Variants in IVD observed in about 807,000 individuals in gnomAD.
IVD encodes the protein isovaleryl-CoA dehydrogenase, also known as isovaleryl-CoA dehydrogenase, mitochondrial.
In IVD, 31 loss-of-function variants were observed where a neutral mutation model predicts 51.3. The ratio of observed to expected loss-of-function variants is 0.60; its 90% CI spans 0.45 to 0.81. IVD has a LOEUF of 0.81. IVD is among the 40% of genes least tolerant of loss of function. IVD has a pLI of 0.00. For missense variants in IVD, 475 were observed against 552.0 expected (o/e 0.86, Z 1.40); for synonymous variants, 205 against 219.4 (o/e 0.93, Z 0.58).
chr15:40,407,590 T>C (rs759374003), intron 1 of IVD, 46 bp from the exon 2 acceptor site: 6 of 1,351,164 alleles, frequency 4.4e-6, no homozygotes, highest in Admixed American at 3.4e-5. Context: ...GTCTGGGTAG[T>C]GGAGATGCTG....
chr15:40,411,347 A>C lies in IVD; in HGVS notation c.544A>C (p.Lys182Gln), dbSNP rs974139256. 6.2e-7 allele frequency: 1 copy of C among 1,614,182 alleles called. No individual in the cohort carries two copies. Among genetic ancestry groups the C allele is most frequent in the Admixed American group, 1.7e-5 (1 of 60,026 alleles). Residue 182 changes from lysine to glutamine, a missense_variant, in exon 5 of 12, where the codon AAG becomes CAG. Lys to Gln is a moderately conservative substitution (Grantham distance 53). Transcript: ENST00000487418. ...TGTCTCTATGAAGCTCAAAGCGGAAAAGAAAGGTGAGGCCACTCTCAACTT... is the reference window on the plus strand; with the variant it reads ...TGTCTCTATGAAGCTCAAAGCGGAACAGAAAGGTGAGGCCACTCTCAACTT... Reference protein sequence around the residue: ...DVVSMKLKAEKKGNHYILNGN... With the variant: ...DVVSMKLKAEQKGNHYILNGN...
At chr15:40,435,696 T>A, downstream of IVD, 2 of 1,026,292 alleles carry the variant, frequency 1.9e-6, no homozygotes, top group Non-Finnish European at 2.4e-6. Context: ...CCTCATCTGC[T>A]GCCTCACCCC....
intron 7 of IVD, among the ~76,000 whole-genome samples, chr15:40,432,844 G>A (rs1213278444): frequency 6.6e-6 from 1 of 152,220 alleles, no homozygotes; most frequent in African/African-American, 2.4e-5. Flanking sequence ...CCCACTGCTG[G>A]GTGGACAGAA....
chr15:40,410,531 G>A, intron 3 of IVD, 97 bp from the exon 4 acceptor site: 1 of 1,385,026 alleles, frequency 7.2e-7, no homozygotes, highest in Non-Finnish European at 1.0e-6. Flanking sequence ...GGTGCTACAA[G>A]GTGCTTCCCT....
intron 11 of IVD, among the ~76,000 whole-genome samples, chr15:40,417,880 A>G (rs1231574887): frequency 1.3e-5 from 2 of 152,182 alleles, no homozygotes; most frequent in Admixed American, 6.5e-5. Context: ...ATGTATAGGG[A>G]AAAAAACAAC....
At position 40,411,598 on chromosome 15, in the gene IVD, T is replaced by C. The variant is rs764191165; in HGVS notation, c.594T>C (p.Asn198=). Residue 198 remains asparagine (N), a synonymous_variant, in exon 6 of 12, where the codon AAT becomes AAC. Transcript: ENST00000487418. ...ILNGNKFWIT[N]GPDADVLIVY... ...ATGGCAACAAGTTCTGGATCACTAA[T>C]GGCCCTGATGCTGACGTCCTGATTG... The C allele has an allele frequency of 6.2e-7, 1 of 1,614,212 alleles. No individual in the cohort carries two copies. Among genetic ancestry groups the C allele is most frequent in the African/African-American group, 1.3e-5 (1 of 75,064 alleles).
At chr15:40,422,585 C>CTTTTTTTTTT (rs1157351420), downstream of IVD, among the ~76,000 whole-genome samples, 32 of 69,148 alleles carry the variant, frequency 4.6e-4, 2 homozygotes, top group African/African-American at 1.2e-3. Flanking sequence ...GCCCGGCCGA[C>CTTTTTTTTTT]TTTTTTTTTT....
Position 40,416,318 on chromosome 15 carries a change from C to G in IVD, c.1094C>G (p.Ala365Gly). 6.2e-7 allele frequency: 1 copy of G among 1,614,252 alleles called. No homozygotes were observed. Among genetic ancestry groups the G allele is most frequent in the Non-Finnish European group, 8.5e-7 (1 of 1,180,042 alleles). ...TGTGCAGGTGTGATTCTTTACTCAG[C>G]TGAGTGTGCCACACAGGTAGCCCTG... The part of the protein sequence containing the change: ...KDCAGVILYS[A>G]ECATQVALDG... Residue 365 changes from alanine to glycine, a missense_variant, in exon 11 of 12, where the codon GCT (alanine) becomes GGT (glycine). Coordinates refer to ENST00000487418, the MANE Select transcript of IVD (RefSeq NM_002225.5).
Position 40,410,756 on chromosome 15 carries a change from C to A in IVD, c.415C>A (p.Arg139Ser), listed in dbSNP as rs376324882. 4 of 1,613,996 alleles carry A rather than the reference C, an allele frequency of 2.5e-6. No individual in the cohort carries two copies. The highest frequency in any genetic ancestry group is 3.4e-6 in the Non-Finnish European group (4 of 1,180,048). ...HSNLCINQLV[R>S]NGNEAQKEKY... ...CAACCTCTGCATCAACCAGCTTGTA[C>A]GCAATGGGAATGAGGCCCAGAAAGA... is the stretch of plus-strand genomic sequence containing the variant. Residue 139 changes from arginine to serine, a missense_variant, in exon 4 of 12, where the codon CGC becomes AGC. Transcript: ENST00000487418.
In IVD at chr15:40,418,470, T is replaced by G; in HGVS notation, c.*207T>G. 7.0e-7 allele frequency: 1 copy of G among 1,424,078 alleles called. No homozygotes were observed. The highest frequency in any genetic ancestry group is 9.2e-7 in the Non-Finnish European group (1 of 1,088,630). 88.2% of individuals were successfully genotyped at this position (1,424,078 alleles called of 1,614,324 possible). On this transcript the variant is annotated 3_prime_UTR_variant, in exon 12 of 12. Coordinates refer to ENST00000487418, the MANE Select transcript of IVD (RefSeq NM_002225.5). ...CGGGCCTGTGCCACGGCTAGTGTTG[T>G]GTGATTTAAAATGGACTCAGCAGGA...
At chr15:40,406,149 C>G in intron 1 of IVD, 178 bp downstream of exon 1, 1 of 1,540,002 alleles carries the variant, frequency 6.5e-7, no homozygotes, top group Non-Finnish European at 8.7e-7. Flanking sequence ...GGGTCCAGTC[C>G]TCTGACCTCG....
At chr15:40,427,148 C>A (rs906048108), downstream of IVD, among the ~76,000 whole-genome samples, 1 of 152,144 alleles carries the variant, frequency 6.6e-6, no homozygotes, top group African/African-American at 2.4e-5. Context: ...GGATCAGTGG[C>A]GGAAGTACAG....
intron 5 of IVD, 49 bp downstream of exon 5, chr15:40,411,402 T>A: frequency 6.2e-7 from 1 of 1,604,258 alleles, no homozygotes; most frequent in Non-Finnish European, 8.5e-7. Flanking sequence ...GGTACAGACA[T>A]TATCAGGATA....
chr15:40,414,263 C>T (rs1891409162), intron 7 of IVD: 1 of 157,834 alleles, frequency 6.3e-6, no homozygotes, highest in Admixed American at 5.9e-5. Flanking sequence ...CAGGGAGCAT[C>T]CAGGGAGGGG....
In IVD at chr15:40,407,681, AAGGCCCAGG is replaced by A; in HGVS notation, c.193_201del (p.Ala65_Glu67del). 1 of 1,614,200 alleles carries A rather than the reference AAGGCCCAGG, an allele frequency of 6.2e-7. No homozygotes were observed. The highest frequency in any genetic ancestry group is 8.5e-7 in the Non-Finnish European group (1 of 1,180,024). ...GTTCCTTCAGGAGCACCTGGCCCCCAAGGCCCAGGAGATCGATCGCAGCAATGAGTTCAA... is the reference window on the plus strand; with the variant it reads ...GTTCCTTCAGGAGCACCTGGCCCCCAAGATCGATCGCAGCAATGAGTTCAA... On this transcript the variant is annotated inframe_deletion, in exon 2 of 12. Transcript: ENST00000487418.
At position 40,418,970 on chromosome 15, in the gene IVD, T is replaced by C. The variant is rs1435242820; in HGVS notation, c.*707T>C. The C allele has an allele frequency of 1.6e-5, 8 of 500,270 alleles. No individual in the cohort carries two copies. The highest frequency in any genetic ancestry group is 2.2e-5 in the Non-Finnish European group (7 of 314,762). The allele number at this position is 500,270 out of a possible 1,614,324, so 31.0% of individuals were successfully genotyped here. On this transcript the variant is annotated 3_prime_UTR_variant, in exon 12 of 12. Transcript: ENST00000487418. ...CAACATGTGGAAACCTCGCCTCAAC[T>C]AAAAATAGAAAAAAATTAGTTGGGC... is the stretch of plus-strand genomic sequence containing the variant.
At chr15:40,433,640 C>T (rs994214382) in intron 7 of IVD, among the ~76,000 whole-genome samples, 2 of 152,192 alleles carry the variant, frequency 1.3e-5, no homozygotes, top group Non-Finnish European at 2.9e-5. Context: ...GCAACCCAAA[C>T]CTAGATCATC....
At chr15:40,406,787 C>G (rs1038604291) in intron 1 of IVD, among the ~76,000 whole-genome samples, 1 of 152,108 alleles carries the variant, frequency 6.6e-6, no homozygotes, top group Admixed American at 6.5e-5. Context: ...TCAGAGCTTC[C>G]GTGAACCACC....
chr15:40,420,549 C>T lies in IVD; in HGVS notation c.*2286C>T. 2.0e-6 allele frequency: 2 copies of T among 987,548 alleles called. No homozygotes were observed. Among genetic ancestry groups the T allele is most frequent in the Non-Finnish European group, 2.4e-6 (2 of 830,104 alleles). The allele number at this position is 987,548 out of a possible 1,614,324, so 61.2% of individuals were successfully genotyped here. On this transcript the variant is annotated 3_prime_UTR_variant, in exon 12 of 12. Coordinates refer to ENST00000487418, the MANE Select transcript of IVD (RefSeq NM_002225.5). Reference sequence around the variant, plus strand: ...CCAGGTCCTATTCCTGTCCTCCAGCCCGTTCTTTCATGAGGGACAGGAAGG... The same window carrying T: ...CCAGGTCCTATTCCTGTCCTCCAGCTCGTTCTTTCATGAGGGACAGGAAGG...
Sources: allele counts gnomAD v4.1 joint callset (sites outside exome capture counted in the v4.1 genomes callset), GRCh38; gene constraint gnomAD v4.1.1; transcripts MANE v1.5; gene names NCBI Gene and HGNC (gene_info 2026-07-23, HGNC 2026-07-21).